TIPIN: variants seen among roughly 807,000 people sequenced by gnomAD.
TIPIN encodes the protein TIMELESS-interacting protein.
A neutral mutation model predicts 35.6 loss-of-function variants in TIPIN; 29 were observed. That is an observed-to-expected ratio of 0.82 (90% confidence interval 0.61 to 1.11). The LOEUF (loss-of-function observed/expected upper bound fraction) is 1.11. TIPIN is among the 50% of genes most tolerant of loss of function. The probability of loss-of-function intolerance (pLI) is 0.00; values close to 1 mark genes in which losing one functional copy is unlikely to be tolerated. For missense variants in TIPIN, 296 were observed against 345.4 expected (o/e 0.86, Z 1.13); for synonymous variants, 102 against 121.5 (o/e 0.84, Z 1.06).
intron 1 of TIPIN, among the ~76,000 whole-genome samples, chr15:66,367,839 GT>G (rs933648941): frequency 2.1e-5 from 3 of 143,584 alleles, no homozygotes; most frequent in African/African-American, 7.7e-5. Context: ...CTTTGTTTTT[GT>G]TTTTTTTTTT....
At chr15:66,374,269 A>C (rs2093287898) in intron 1 of TIPIN, among the ~76,000 whole-genome samples, 1 of 148,966 alleles carries the variant, frequency 6.7e-6, no homozygotes, top group Non-Finnish European at 1.5e-5. Context: ...TTTACAATTC[A>C]GTAGCATTAG....
upstream of TIPIN, among the ~76,000 whole-genome samples, chr15:66,359,397 G>C (rs1208432064): frequency 6.6e-6 from 1 of 151,908 alleles, no homozygotes; most frequent in Non-Finnish European, 1.5e-5. Flanking sequence ...CCAGGGTGGA[G>C]TGCAGTGGTG....
chr15:66,377,745 C>T (rs941385580), intron 1 of TIPIN, among the ~76,000 whole-genome samples: 1 of 149,242 alleles, frequency 6.7e-6, no homozygotes, highest in Non-Finnish European at 1.5e-5. Context: ...GGCGCAATCT[C>T]GGCTCACTGC....
intron 1 of TIPIN, among the ~76,000 whole-genome samples, chr15:66,373,128 A>T (rs1033021555): frequency 6.6e-6 from 1 of 152,140 alleles, no homozygotes; most frequent in Non-Finnish European, 1.5e-5. Context: ...TCAATGATGA[A>T]ATCGCCTAAT....
chr15:66,349,315 C>T lies in TIPIN; in HGVS notation c.411G>A (p.Gln137=), dbSNP rs745715955. The T allele has an allele frequency of 1.9e-6, 3 of 1,613,046 alleles. No homozygotes were observed. Among genetic ancestry groups the T allele is most frequent in the Non-Finnish European group, 2.5e-6 (3 of 1,179,906 alleles). ...TATTTATAATCATCTCAACACTTAC[C>T]TGAACTTCCTTTTTACTTCCCAGGT... ...VEYLGSKKEV[Q]TCLKRIRLDL... is the part of the protein sequence containing the mutation. The change falls in exon 5 of 8, where the codon CAG becomes CAA. Residue 137 remains glutamine, a splice_region_variant and synonymous_variant. Transcript: ENST00000261881.
chr15:66,384,037 C>A (rs1443011372), intron 1 of TIPIN, among the ~76,000 whole-genome samples: 1 of 152,040 alleles, frequency 6.6e-6, no homozygotes, highest in Non-Finnish European at 1.5e-5. Flanking sequence ...TGTTCTGTCG[C>A]CCAGGCTGGA....
intron 7 of TIPIN, among the ~76,000 whole-genome samples, chr15:66,338,599 G>T (rs953013945): frequency 2.0e-5 from 3 of 151,992 alleles, no homozygotes; most frequent in Admixed American, 6.6e-5. Context: ...TGGATCACGA[G>T]GTTAGGGGAT....
intron 1 of TIPIN, among the ~76,000 whole-genome samples, chr15:66,377,107 C>A (rs1344589046): frequency 2.2e-3 from 229 of 105,414 alleles, no homozygotes; most frequent in African/African-American, 2.9e-3. Flanking sequence ...GACTCCCTCT[C>A]AAAAAAAAAA....
At chr15:66,367,812 C>G (rs976292467) in intron 1 of TIPIN, among the ~76,000 whole-genome samples, 1 of 150,988 alleles carries the variant, frequency 6.6e-6, no homozygotes, top group African/African-American at 2.4e-5. Context: ...AACCAAATGT[C>G]CCTGTTATAC....
At chr15:66,365,483 T>C (rs2093250146) in intron 1 of TIPIN, among the ~76,000 whole-genome samples, 1 of 152,200 alleles carries the variant, frequency 6.6e-6, no homozygotes, top group African/African-American at 2.4e-5. Flanking sequence ...GTTTAGTATA[T>C]AATCAATAAA....
chr15:66,366,650 C>G (rs1256800499), intron 1 of TIPIN, among the ~76,000 whole-genome samples: 4 of 149,362 alleles, frequency 2.7e-5, no homozygotes. Flanking sequence ...GCCTGTAGTC[C>G]CAGCTCCTTG....
At chr15:66,350,556 G>C (rs2093160425) in intron 4 of TIPIN, among the ~76,000 whole-genome samples, 1 of 151,698 alleles carries the variant, frequency 6.6e-6, no homozygotes, top group Admixed American at 6.6e-5. Flanking sequence ...AGTGAGCCAA[G>C]GTCGAGCCAT....
chr15:66,379,998 C>CTTTTTTTTTTTTTTTT (rs200332730), intron 1 of TIPIN: 4 of 276,086 alleles, frequency 1.4e-5, no homozygotes, highest in African/African-American at 5.3e-5. Context: ...TTCTTTCTTT[C>CTTTTTTTTTTTTTTTT]TTTCTTTTTT....
At chr15:66,376,462 C>T (rs938945891) in intron 1 of TIPIN, among the ~76,000 whole-genome samples, 17 of 151,200 alleles carry the variant, frequency 1.1e-4, no homozygotes, top group Admixed American at 9.3e-4. Context: ...CGGGGTTTTG[C>T]TCGTTTCCCA....
chr15:66,349,565 C>G, intron 4 of TIPIN, 128 bp from the exon 5 acceptor site: 1 of 1,246,336 alleles, frequency 8.0e-7, no homozygotes, highest in South Asian at 1.5e-5. Flanking sequence ...GGTTGAAAAA[C>G]TTATAAAAGG....
intron 1 of TIPIN, chr15:66,371,470 A>C: frequency 1.3e-6 from 1 of 797,268 alleles, no homozygotes; most frequent in Non-Finnish European, 1.5e-6. Flanking sequence ...GGGAAAAAAA[A>C]AGTTTTTCCA....
intron 1 of TIPIN, among the ~76,000 whole-genome samples, chr15:66,382,486 C>T (rs1466774692): frequency 6.6e-6 from 1 of 152,178 alleles, no homozygotes; most frequent in African/African-American, 2.4e-5. Flanking sequence ...GCGATCATCC[C>T]ACCTCAGCCT....
At chr15:66,369,920 G>T (rs1430223239) in intron 1 of TIPIN, among the ~76,000 whole-genome samples, 1 of 152,094 alleles carries the variant, frequency 6.6e-6, no homozygotes, top group Admixed American at 6.6e-5. Context: ...CACTTGGCAG[G>T]AAACGGATGA....
chr15:66,379,913 C>T, intron 1 of TIPIN: 2 of 1,490,452 alleles, frequency 1.3e-6, no homozygotes, highest in South Asian at 2.3e-5. Flanking sequence ...GAATGGTCTT[C>T]ACTCTCGCAG....
Sources: allele counts gnomAD v4.1 joint callset (sites outside exome capture counted in the v4.1 genomes callset), GRCh38; gene constraint gnomAD v4.1.1; transcripts MANE v1.5; gene names NCBI Gene and HGNC (gene_info 2026-07-23, HGNC 2026-07-21).